Variants in HACD3 observed in about 807,000 individuals in gnomAD.
HACD3 encodes the protein very-long-chain (3R)-3-hydroxyacyl-CoA dehydratase 3.
Under a neutral mutation model 55.2 loss-of-function variants are expected in HACD3, and 30 were observed. The ratio of observed to expected loss-of-function variants is 0.54; its 90% confidence interval spans 0.41 to 0.74. The LOEUF is 0.74. HACD3 is among the 30% of genes least tolerant of loss of function. The pLI, the probability that HACD3 is intolerant of heterozygous loss-of-function variation, is 0.00. For missense variants in HACD3, 363 were observed against 440.1 expected, an observed-to-expected ratio of 0.82 and a Z score of 1.57; for synonymous variants, 141 against 151.7, an observed-to-expected ratio of 0.93 and a Z score of 0.52.
chr15:65,568,996 C>T (rs2072321396), intron 7 of HACD3, among the ~76,000 whole-genome samples: 1 of 151,986 alleles, frequency 6.6e-6, no homozygotes, highest in Non-Finnish European at 1.5e-5. Flanking sequence ...GCCTGTAATC[C>T]CAGCACTTTG....
At chr15:65,537,950 AAAAAAAAAATATATATATATATAT>A (rs1261114182) in intron 1 of HACD3, among the ~76,000 whole-genome samples, 20,837 of 52,324 alleles carry the variant, frequency 0.4, 2,969 homozygotes, top group Non-Finnish European at 0.47. Flanking sequence ...AAAAAAAAAA[AAAAAAAAAATATATATATATATAT>A]ATATATATAT....
chr15:65,535,712 TTG>T, intron 1 of HACD3: 1 of 484,208 alleles, frequency 2.1e-6, no homozygotes, highest in South Asian at 3.5e-5. Context: ...TTTTTTTTTT[TTG>T]AGGCAGGGTC....
rs1320094135 is a variant in HACD3 at position 65,577,446 on chromosome 15, CACAA to C, written c.*1071_*1074del. On this transcript the variant is annotated 3_prime_UTR_variant, in exon 11 of 11. Coordinates refer to ENST00000261875, the MANE Select transcript of HACD3 (RefSeq NM_016395.4). ...CTCAAACCAAACCAAACCACACACA[CACAA>C]ACACACATACACACACACACACACG... 2 of 151,342 alleles carry C rather than the reference CACAA, an allele frequency of 1.3e-5. No homozygotes were observed. Among genetic ancestry groups the C allele is most frequent in the Non-Finnish European group, 2.9e-5 (2 of 68,526 alleles). 9.4% of individuals were successfully genotyped at this position (151,342 alleles called of 1,614,324 possible).
rs542933074 is a variant in HACD3 at position 65,538,414 on chromosome 15, A to T, written c.87+7696A>T. ...GAGGTAGTAACTGCAGGTGTGGTAG[A>T]AATAGCAAGAGAACTAGACTTAGAA... On this transcript the variant is annotated intron_variant, in intron 1 of 10. Coordinates refer to ENST00000261875, the MANE Select transcript of HACD3 (RefSeq NM_016395.4). Among the ~76,000 whole-genome samples the T allele has an allele frequency of 1.9e-4, 29 of 152,348 alleles. 2 individuals are homozygous for T. Among genetic ancestry groups the T allele is most frequent in the Admixed American group, 1.8e-3 (27 of 15,298 alleles).
intron 1 of HACD3, among the ~76,000 whole-genome samples, chr15:65,543,875 C>G (rs1042048524): frequency 2.1e-4 from 32 of 152,074 alleles, no homozygotes; most frequent in African/African-American, 7.5e-4. Context: ...GAGTGGATCA[C>G]AAAAGAAAAT....
intron 10 of HACD3, among the ~76,000 whole-genome samples, chr15:65,572,681 C>T (rs2072359558): frequency 6.6e-6 from 1 of 152,018 alleles, no homozygotes; most frequent in East Asian, 1.9e-4. Flanking sequence ...CTTTGGGAGG[C>T]TGAGGTGGGC....
intron 1 of HACD3, among the ~76,000 whole-genome samples, chr15:65,547,025 G>T (rs1596208156): frequency 6.6e-6 from 1 of 152,100 alleles, no homozygotes; most frequent in Non-Finnish European, 1.5e-5. Context: ...CTGTGAGGGG[G>T]TATATTTGAG....
At chr15:65,571,679 C>A in intron 9 of HACD3, 25 bp downstream of exon 9, 7 of 1,550,496 alleles carry the variant, frequency 4.5e-6, no homozygotes, top group Non-Finnish European at 6.2e-6. Flanking sequence ...TCTTAGCTTT[C>A]ATAGCTTAGC....
At chr15:65,561,419 T>C (rs2072243226) in intron 5 of HACD3, among the ~76,000 whole-genome samples, 1 of 151,928 alleles carries the variant, frequency 6.6e-6, no homozygotes, top group Non-Finnish European at 1.5e-5. Flanking sequence ...TGAGCCGAGA[T>C]TGTGCCACTG....
At chr15:65,569,313 T>G (rs1229471951) in intron 7 of HACD3, among the ~76,000 whole-genome samples, 1 of 149,486 alleles carries the variant, frequency 6.7e-6, no homozygotes, top group Non-Finnish European at 1.5e-5. Flanking sequence ...GAGTAAGAAG[T>G]AGTCACAGAA....
intron 2 of HACD3, among the ~76,000 whole-genome samples, chr15:65,554,638 G>T (rs1435760058): frequency 6.6e-6 from 1 of 152,166 alleles, no homozygotes; most frequent in Non-Finnish European, 1.5e-5. Context: ...ATCTGGGCAT[G>T]GTGGCGGGAG....
At chr15:65,555,324 C>T (rs904296492) in intron 3 of HACD3, among the ~76,000 whole-genome samples, 2 of 152,200 alleles carry the variant, frequency 1.3e-5, no homozygotes, top group African/African-American at 4.8e-5. Context: ...AACAGAGTTA[C>T]ATAGAGTGGT....
At chr15:65,551,580 C>T (rs1382314386) in intron 1 of HACD3, 96 bp from the exon 2 acceptor site, 1 of 1,396,288 alleles carries the variant, frequency 7.2e-7, no homozygotes, top group Non-Finnish European at 1.0e-6. Context: ...AGTTTGAGTC[C>T]TTATGGGAGA....
At chr15:65,556,502 C>G (rs145051330) in intron 3 of HACD3, among the ~76,000 whole-genome samples, 1 of 151,776 alleles carries the variant, frequency 6.6e-6, no homozygotes, top group Non-Finnish European at 1.5e-5. Flanking sequence ...CACTCACTTG[C>G]CCACCACTCA....
At chr15:65,555,093 G>C (rs2072175835) in intron 3 of HACD3, 133 bp downstream of exon 3, 1 of 713,396 alleles carries the variant, frequency 1.4e-6, no homozygotes, top group African/African-American at 1.8e-5. Context: ...CTTTTATTTG[G>C]AACAGAGCCC....
intron 1 of HACD3, among the ~76,000 whole-genome samples, chr15:65,533,138 G>A (rs573525373): frequency 5.3e-5 from 8 of 152,324 alleles, no homozygotes; most frequent in African/African-American, 1.7e-4. Flanking sequence ...CCGTGTCAAT[G>A]CCCAAAGGCC....
intron 2 of HACD3, among the ~76,000 whole-genome samples, chr15:65,554,617 T>TA (rs1290187499): frequency 6.6e-6 from 1 of 151,678 alleles, no homozygotes; most frequent in South Asian, 2.1e-4. Context: ...CTACTAAAAA[T>TA]AAAAAAAATT....
chr15:65,549,937 G>T (rs183269291), intron 1 of HACD3, among the ~76,000 whole-genome samples: 8 of 152,328 alleles, frequency 5.3e-5, no homozygotes, highest in Admixed American at 4.6e-4. Flanking sequence ...AGGACCCCTA[G>T]GTCCCTGGCA....
chr15:65,549,640 C>A lies in HACD3; in HGVS notation c.88-2036C>A, dbSNP rs542127048. ...AAAAAAGATCAAAGCCCAAGACCCA[C>A]CAAAGGTGTAACATGTAATAGGAAA... On this transcript the variant is annotated intron_variant, in intron 1 of 10. Transcript: ENST00000261875. Among the ~76,000 whole-genome samples the A allele has an allele frequency of 2.7e-5, 4 of 150,888 alleles. No homozygotes were observed. The East Asian group carries it at 7.8e-4, about 29-fold the overall frequency.
Sources: gnomAD v4.1 joint callset for allele counts (sites outside exome capture counted in the v4.1 genomes callset) on GRCh38, gnomAD v4.1.1 for gene constraint, MANE v1.5 for transcripts, NCBI Gene and HGNC (gene_info 2026-07-23, HGNC 2026-07-21) for gene names.